SCPEP1: variants seen among roughly 807,000 people sequenced by gnomAD.
SCPEP1 encodes serine carboxypeptidase 1, also known as retinoid-inducible serine carboxypeptidase.
A neutral mutation model predicts 63.8 loss-of-function variants in SCPEP1; 51 were observed. That is an observed-to-expected ratio of 0.80 (90% CI 0.64 to 1.01). The LOEUF (loss-of-function observed/expected upper bound fraction) is 1.01. Among genes scored for constraint, SCPEP1 ranks in the 50% least tolerant of loss-of-function variants. The pLI is 0.00. For missense variants in SCPEP1, 499 were observed against 554.9 expected (o/e 0.90, Z 1.01); for synonymous variants, 204 against 207.8 (o/e 0.98, Z 0.16).
intron 10 of SCPEP1, 81 bp downstream of exon 10, chr17:56,998,579 G>A: frequency 9.2e-7 from 1 of 1,083,766 alleles, no homozygotes; most frequent in Non-Finnish European, 1.4e-6. Context: ...TGAATTTGTA[G>A]GGTGGGTTTT....
chr17:57,001,114 C>T (rs981921742), intron 11 of SCPEP1, 122 bp downstream of exon 11: 13 of 1,018,224 alleles, frequency 1.3e-5, no homozygotes, highest in Non-Finnish European at 2.0e-5. Context: ...AAGGCCATTT[C>T]CCATTACATC....
At chr17:56,994,671 A>G (rs544817458) in intron 6 of SCPEP1, among the ~76,000 whole-genome samples, 5 of 152,324 alleles carry the variant, frequency 3.3e-5, no homozygotes, top group African/African-American at 1.2e-4. Flanking sequence ...CCACCTGCAT[A>G]CCTACAGCCT....
intron 9 of SCPEP1, 32 bp from the exon 10 acceptor site, chr17:56,998,353 C>T: frequency 6.7e-7 from 1 of 1,496,104 alleles, no homozygotes; most frequent in South Asian, 1.1e-5. Flanking sequence ...ACTTCCAGCC[C>T]TTTGACTCAC....
chr17:56,989,416 ATTAAT>A (rs1157816537), intron 5 of SCPEP1, among the ~76,000 whole-genome samples: 1 of 152,212 alleles, frequency 6.6e-6, no homozygotes, highest in Non-Finnish European at 1.5e-5. Flanking sequence ...GGGAATACAA[ATTAAT>A]TTAAATTTAA....
intron 12 of SCPEP1, among the ~76,000 whole-genome samples, chr17:57,004,209 G>A (rs746621290): frequency 6.6e-6 from 1 of 152,180 alleles, no homozygotes; most frequent in Non-Finnish European, 1.5e-5. Flanking sequence ...CTGGGCAACA[G>A]AGTGAGACTC....
chr17:56,986,601 A>C (rs1473159374), intron 3 of SCPEP1, among the ~76,000 whole-genome samples: 2 of 150,032 alleles, frequency 1.3e-5, no homozygotes. Flanking sequence ...GCCAGAGTGC[A>C]GTGGCGCTAT....
At chr17:57,004,219 C>T (rs913043183) in intron 12 of SCPEP1, among the ~76,000 whole-genome samples, 2 of 152,192 alleles carry the variant, frequency 1.3e-5, no homozygotes, top group African/African-American at 4.8e-5. Context: ...GAGTGAGACT[C>T]TGTCTCAAAA....
rs1911525856 is a variant in SCPEP1 at position 56,995,626 on chromosome 17, C to G, written c.777C>G (p.Ile259Met). The G allele has an allele frequency of 6.2e-7, 1 of 1,613,766 alleles. No individual in the cohort carries two copies. The highest frequency in any genetic ancestry group is 8.5e-7 in the Non-Finnish European group (1 of 1,179,928). Residue 259 changes from isoleucine to methionine, a missense_variant, in exon 8 of 13, where the codon ATC becomes ATG. Coordinates refer to ENST00000262288, the MANE Select transcript of SCPEP1 (RefSeq NM_021626.3). ...AGCTGTGGGGGAAAGCAGAAATGAT[C>G]ATTGAACAGGTAAAAAGGGGAAACA... ...ATELWGKAEM[I>M]IEQNTDGVNF...
chr17:56,989,008 G>A (rs992989508), intron 5 of SCPEP1, among the ~76,000 whole-genome samples: 7 of 151,272 alleles, frequency 4.6e-5, no homozygotes, highest in Admixed American at 1.3e-4. Flanking sequence ...GCAACATAGC[G>A]ACACCCTGTT....
At chr17:56,982,503 C>G (rs1031256530) in intron 2 of SCPEP1, among the ~76,000 whole-genome samples, 1 of 152,136 alleles carries the variant, frequency 6.6e-6, no homozygotes, top group African/African-American at 2.4e-5. Context: ...GAAAAAGAAC[C>G]CTTGTATGTC....
rs1486976388 is a variant in SCPEP1 at position 56,998,409 on chromosome 17, G to A, written c.905G>A (p.Arg302Lys). The stretch of plus-strand genomic sequence containing the variant: ...GTTTGTCTTTGTCAGCGCCACGTGA[G>A]ACACCTACAACGAGATGCCTTAAGC... ...HLVCLCQRHV[R>K]HLQRDALSQL... is the part of the protein sequence containing the mutation. Residue 302 changes from arginine to lysine, a missense_variant, in exon 10 of 13, where the codon AGA becomes AAA. Transcript: ENST00000262288. 1 of 1,613,766 alleles carries A rather than the reference G, an allele frequency of 6.2e-7. No individual in the cohort carries two copies. The highest frequency in any genetic ancestry group is 1.3e-5 in the African/African-American group (1 of 74,940).
At position 56,991,142 on chromosome 17, in the gene SCPEP1, C is replaced by T; in HGVS notation, c.590C>T (p.Ala197Val). Residue 197 changes from alanine (A) to valine (V), a missense_variant, in exon 6 of 13, where the codon GCC becomes GTC. By Grantham distance (64) the Ala-to-Val change is moderately conservative (BLOSUM62 0). Transcript: ENST00000262288. ...ATCAAGTGCAACTTTGCGGGGGTTG[C>T]CTTGGGTGATTCCTGGATCTCCCCT... ...GTIKCNFAGV[A>V]LGDSWISPVD... 6.2e-7 allele frequency: 1 copy of T among 1,613,994 alleles called. No individual in the cohort carries two copies. Among genetic ancestry groups the T allele is most frequent in the African/African-American group, 1.3e-5 (1 of 74,996 alleles).
At chr17:56,992,203 A>T (rs992352308) in intron 6 of SCPEP1, among the ~76,000 whole-genome samples, 6 of 152,236 alleles carry the variant, frequency 3.9e-5, no homozygotes, top group African/African-American at 1.4e-4. Flanking sequence ...ATTTACCCCT[A>T]AAAGATAGGG....
At chr17:56,985,008 G>A in intron 2 of SCPEP1, 1 of 244,152 alleles carries the variant, frequency 4.1e-6, no homozygotes, top group Non-Finnish European at 8.1e-6. Flanking sequence ...AGGGGGCTGA[G>A]GCGGGAGGAT....
intron 1 of SCPEP1, among the ~76,000 whole-genome samples, chr17:56,980,787 TCAAAAAAA>T (rs1911045318): frequency 4.0e-5 from 1 of 25,052 alleles, no homozygotes; most frequent in Admixed American, 4.8e-4. Flanking sequence ...AGACTTCGTA[TCAAAAAAA>T]AAAAAAAAAA....
chr17:56,990,989 C>G (rs1911378599), intron 5 of SCPEP1, 110 bp from the exon 6 acceptor site: 1 of 832,846 alleles, frequency 1.2e-6, no homozygotes, highest in East Asian at 2.4e-5. Flanking sequence ...CTAGGCTGGT[C>G]TTGTATTCCT....
rs191931473 is a variant in SCPEP1, at chr17:57,003,408, G to T, written c.1296+1227G>T. ...AAAGACCAATCAATGAGGCTGTCAG[G>T]TAAATCCAGAAAGGAGGAAAGTAGA... On this transcript the variant is annotated intron_variant, in intron 12 of 12. Transcript: ENST00000262288. 1.4e-3 allele frequency among the ~76,000 whole-genome samples: 218 copies of T among 152,290 alleles called. 7 individuals are homozygous for T. Among genetic ancestry groups the T allele is most frequent in the Non-Finnish European group, 1.0e-4 (7 of 68,032 alleles).
intron 3 of SCPEP1, among the ~76,000 whole-genome samples, chr17:56,986,024 C>G (rs539319271): frequency 1.1e-4 from 16 of 152,178 alleles, no homozygotes; most frequent in African/African-American, 3.4e-4. Context: ...TTAGCCCTTA[C>G]GCCCAGGCTG....
Position 56,995,537 on chromosome 17 carries a change from G to C in SCPEP1, c.688G>C (p.Val230Leu). ...TCTCGAAGACAAAGGTCTGGCAGAGGTGTCTAAGGTTGCAGAGCAAGTACT... is the reference window on the plus strand; with the variant it reads ...TCTCGAAGACAAAGGTCTGGCAGAGCTGTCTAAGGTTGCAGAGCAAGTACT... ...SLLEDKGLAE[V>L]SKVAEQVLNA... Residue 230 changes from valine to leucine, a missense_variant, in exon 8 of 13, where the codon GTG becomes CTG. By Grantham distance (32) the Val-to-Leu change is conservative. Coordinates refer to ENST00000262288, the MANE Select transcript of SCPEP1 (RefSeq NM_021626.3). The C allele has an allele frequency of 6.2e-7, 1 of 1,613,726 alleles. No individual in the cohort carries two copies.
Sources: allele counts gnomAD v4.1 joint callset (sites outside exome capture counted in the v4.1 genomes callset), GRCh38; gene constraint gnomAD v4.1.1; transcripts MANE v1.5; gene names NCBI Gene and HGNC (gene_info 2026-07-23, HGNC 2026-07-21).